The following AKR1C1 variants were observed in gnomAD, a reference collection of about 807,000 sequenced individuals.
AKR1C1 encodes 20 alpha-hydroxysteroid dehydrogenase.
A neutral mutation model predicts 40.6 loss-of-function variants in AKR1C1; 32 were observed. That is an observed-to-expected ratio of 0.79 (90% CI 0.60 to 1.06). The LOEUF (loss-of-function observed/expected upper bound fraction) is 1.06. Ranked by LOEUF, AKR1C1 falls within the 50% of genes least tolerant of loss-of-function variation. AKR1C1 has a pLI of 0.00. For missense variants in AKR1C1, 320 were observed against 363.5 expected (o/e 0.88, Z 0.97); for synonymous variants, 105 against 134.2 (o/e 0.78, Z 1.50).
intron 1 of AKR1C1, among the ~76,000 whole-genome samples, chr10:4,964,312 G>T (rs1025369894): frequency 1.4e-4 from 22 of 152,176 alleles, no homozygotes; most frequent in African/African-American, 4.6e-4. Flanking sequence ...TCACATTTCT[G>T]ATCTATACAA....
intron 8 of AKR1C1, among the ~76,000 whole-genome samples, chr10:4,976,452 G>A (rs190034101): frequency 2.8e-4 from 43 of 152,014 alleles, no homozygotes; most frequent in African/African-American, 8.0e-4. Context: ...AACCTTTTTC[G>A]TGCCTGTCTT....
rs868909238 is a variant in AKR1C1 at position 4,983,177 on chromosome 10, C to T, written c.*5435C>T. 1.0e-5 allele frequency: 2 copies of T among 198,480 alleles called. No individual in the cohort carries two copies. The highest frequency in any genetic ancestry group is 2.4e-5 in the African/African-American group (1 of 42,164). The allele number at this position is 198,480 out of a possible 1,614,324, so 12.3% of individuals were successfully genotyped here. A position where few individuals can be genotyped will look rare whatever the true frequency, so the allele number is the denominator to read the frequency against. ...CAGAGCTGCCTCACTGCCCTGCACA[C>T]ACATGAGAGCGCAGCCAGGAACAGA... On this transcript the variant is annotated 3_prime_UTR_variant, in exon 9 of 9. Coordinates refer to ENST00000380872, the MANE Select transcript of AKR1C1 (RefSeq NM_001353.6).
At chr10:4,977,404 G>T (rs1274012891) in intron 8 of AKR1C1, among the ~76,000 whole-genome samples, 5 of 152,188 alleles carry the variant, frequency 3.3e-5, no homozygotes, top group Admixed American at 1.3e-4. Context: ...AATAGAAAAG[G>T]TCAGTATATC....
At chr10:4,964,511 A>G (rs182440047) in intron 1 of AKR1C1, among the ~76,000 whole-genome samples, 155 of 152,334 alleles carry the variant, frequency 1.0e-3, no homozygotes, top group Middle Eastern at 6.8e-3. Context: ...GAGACCCAGT[A>G]TCTAGTTCCT....
intron 1 of AKR1C1, chr10:4,965,441 T>C (rs1836314587): frequency 6.6e-6 from 1 of 152,428 alleles, no homozygotes; most frequent in Non-Finnish European, 1.5e-5. Context: ...CCGGCTAATT[T>C]TTTCTATTTT....
chr10:4,981,642 G>GA lies in AKR1C1; in HGVS notation c.*3906dup, dbSNP rs1206889885. ...GGCACAATCCTACTCCATGAAATAA[G>GA]AAAAAACCATCACATCCCCAGATTC... On this transcript the variant is annotated 3_prime_UTR_variant, in exon 9 of 9. Transcript: ENST00000380872. The GA allele has an allele frequency of 1.3e-5, 2 of 152,212 alleles. No individual in the cohort carries two copies. Among genetic ancestry groups the GA allele is most frequent in the African/African-American group, 4.8e-5 (2 of 41,448 alleles). 9.4% of individuals were successfully genotyped at this position (152,212 alleles called of 1,614,324 possible).
intron 5 of AKR1C1, among the ~76,000 whole-genome samples, chr10:4,970,577 T>C (rs12263706): frequency 0.31 from 47,141 of 151,766 alleles, 7,876 homozygotes; most frequent in African/African-American, 0.42. Flanking sequence ...CCAACAATGA[T>C]AGACTGGATT....
chr10:4,964,572 A>G (rs1836299822), intron 1 of AKR1C1, among the ~76,000 whole-genome samples: 1 of 152,200 alleles, frequency 6.6e-6, no homozygotes, highest in African/African-American at 2.4e-5. Context: ...CAGATAGGAA[A>G]ACAGTTTGCT....
chr10:4,966,842 G>C, intron 2 of AKR1C1, 85 bp from the exon 3 acceptor site: 2 of 1,261,326 alleles, frequency 1.6e-6, no homozygotes, highest in South Asian at 1.4e-5. Flanking sequence ...TGAAGTAGTA[G>C]AAAATGTCTA....
rs569935567 is a variant in AKR1C1 at position 4,972,614 on chromosome 10, G to A, written c.711G>A (p.Glu237=). Residue 237 remains glutamate (E), a synonymous_variant, in exon 7 of 9, where the codon GAG becomes GAA. Coordinates refer to ENST00000380872, the MANE Select transcript of AKR1C1 (RefSeq NM_001353.6). ...ACCCGAACTCCCCGGTGCTCTTGGA[G>A]GACCCAGTCCTTTGTGCCTTGGCAA... ...WVDPNSPVLL[E]DPVLCALAKK... 14 of 1,613,832 alleles carry A rather than the reference G, an allele frequency of 8.7e-6. No homozygotes were observed. In the South Asian group the frequency reaches 1.1e-4, roughly 13 times the overall value.
At position 4,979,207 on chromosome 10, in the gene AKR1C1, C is replaced by G. The variant is rs782097564; in HGVS notation, c.*1465C>G. The G allele has an allele frequency of 1.3e-5, 2 of 152,128 alleles. No individual in the cohort carries two copies. Among genetic ancestry groups the G allele is most frequent in the African/African-American group, 4.8e-5 (2 of 41,410 alleles). 9.4% of individuals were successfully genotyped at this position (152,128 alleles called of 1,614,324 possible). A position where few individuals can be genotyped will look rare whatever the true frequency, so the allele number is the denominator to read the frequency against. ...AGTAGGCCATAAACTTTGGAGGGCCCTAGACCAATTTTTTGGATTATTTTT... is the reference window on the plus strand; with the variant it reads ...AGTAGGCCATAAACTTTGGAGGGCCGTAGACCAATTTTTTGGATTATTTTT... On this transcript the variant is annotated 3_prime_UTR_variant, in exon 9 of 9. Transcript: ENST00000380872.
At chr10:4,977,637 G>GCA in intron 8 of AKR1C1, 63 bp from the exon 9 acceptor site, 1 of 1,609,384 alleles carries the variant, frequency 6.2e-7, no homozygotes, top group Non-Finnish European at 8.5e-7. Context: ...AGAAATCACT[G>GCA]CACTACCCGC....
At chr10:4,973,853 A>G (rs1836478669) in intron 7 of AKR1C1, among the ~76,000 whole-genome samples, 1 of 151,784 alleles carries the variant, frequency 6.6e-6, no homozygotes. Flanking sequence ...TCTCTAAAGA[A>G]TTAATATCCA....
chr10:4,977,423 C>T (rs1235656017), intron 8 of AKR1C1, among the ~76,000 whole-genome samples: 8 of 149,376 alleles, frequency 5.4e-5, no homozygotes, highest in African/African-American at 1.9e-4. Flanking sequence ...TCTCTTTGCT[C>T]TGTTGACAGA....
intron 5 of AKR1C1, 108 bp downstream of exon 5, chr10:4,969,052 T>A: frequency 6.3e-7 from 1 of 1,577,978 alleles, no homozygotes; most frequent in Non-Finnish European, 8.6e-7. Flanking sequence ...AAGAGAAGAT[T>A]CTAGAGAGCA....
intron 8 of AKR1C1, among the ~76,000 whole-genome samples, 199 bp downstream of exon 8, chr10:4,976,132 G>T (rs1260595609): frequency 1.3e-5 from 2 of 149,038 alleles, no homozygotes; most frequent in African/African-American, 2.5e-5. Context: ...GTCAGCATGG[G>T]TCAACCTGTG....
rs1379977316 is a variant in AKR1C1, at chr10:4,963,485, A to C, written c.41A>C (p.His14Pro). ...CAGTGTGTGAAGCTGAATGATGGTC[A>C]CTTCATGCCTGTCCTGGGATTTGGC... Reference protein sequence around the residue: ...KYQCVKLNDGHFMPVLGFGTY... With the variant: ...KYQCVKLNDGPFMPVLGFGTY... Residue 14 changes from histidine to proline, a missense_variant, in exon 1 of 9, where the codon CAC becomes CCC. Physicochemically the swap from His to Pro is moderately conservative, Grantham distance 77. Around this residue, in one of 3 missense-constraint regions of AKR1C1, gnomAD observed 214 missense variants for 214.8 expected, o/e 1.00. Transcript: ENST00000380872. 6.2e-7 allele frequency: 1 copy of C among 1,613,778 alleles called. No homozygotes were observed. The highest frequency in any genetic ancestry group is 2.2e-5 in the East Asian group (1 of 44,888).
intron 1 of AKR1C1, among the ~76,000 whole-genome samples, chr10:4,964,487 G>A (rs1836298232): frequency 6.6e-6 from 1 of 152,192 alleles, no homozygotes; most frequent in Non-Finnish European, 1.5e-5. Flanking sequence ...AGGATGGTAT[G>A]AGGAGAGGGC....
chr10:4,967,216 C>T, intron 3 of AKR1C1, 173 bp downstream of exon 3: 1 of 992,018 alleles, frequency 1.0e-6, no homozygotes, highest in Non-Finnish European at 1.4e-6. Context: ...TGAATCCATA[C>T]TTCCGTGATT....
Sources: allele counts gnomAD v4.1 joint callset (sites outside exome capture counted in the v4.1 genomes callset), GRCh38; gene constraint gnomAD v4.1.1; regional missense constraint gnomAD v4.1.1; transcripts MANE v1.5; gene names NCBI Gene and HGNC (gene_info 2026-07-23, HGNC 2026-07-21).